KCNN4: variants seen among roughly 807,000 people sequenced by gnomAD.
KCNN4 encodes potassium calcium-activated channel subfamily N member 4, also known as intermediate conductance calcium-activated potassium channel protein 4.
Under a neutral mutation model 45.2 loss-of-function variants are expected in KCNN4, and 31 were observed. The observed-to-expected ratio is 0.69, with a 90% CI of 0.52 to 0.92. The LOEUF is 0.92. KCNN4 is among the 40% of genes least tolerant of loss of function. The pLI, the probability that KCNN4 is intolerant of heterozygous loss-of-function variation, is 0.00. For missense variants in KCNN4, 463 were observed against 574.0 expected, an observed-to-expected ratio of 0.81 and a Z score of 1.98; for synonymous variants, 231 against 254.6, an observed-to-expected ratio of 0.91 and a Z score of 0.88.
At chr19:43,776,390 C>CTGCAGATGGTTCACCTG (rs1365231553) in intron 2 of KCNN4, 151 bp downstream of exon 2, 1 of 625,916 alleles carries the variant, frequency 1.6e-6, no homozygotes, top group Non-Finnish European at 2.9e-6. Flanking sequence ...CATGGTTCAT[C>CTGCAGATGGTTCACCTG]CCATCTGGGT....
At chr19:43,773,536 G>A (rs1969701206) in intron 3 of KCNN4, among the ~76,000 whole-genome samples, 1 of 152,182 alleles carries the variant, frequency 6.6e-6, no homozygotes, top group Non-Finnish European at 1.5e-5. Flanking sequence ...AGTAGGTCTG[G>A]AAGGGACCTG....
chr19:43,774,707 A>G lies in KCNN4; in HGVS notation c.256-88T>C. 8.3e-7 allele frequency: 1 copy of G among 1,203,332 alleles called. No individual in the cohort carries two copies. The highest frequency in any genetic ancestry group is 1.1e-6 in the Non-Finnish European group (1 of 904,604). 74.5% of individuals were successfully genotyped at this position (1,203,332 alleles called of 1,614,324 possible). A position where few individuals can be genotyped will look rare whatever the true frequency, so the allele number is the denominator to read the frequency against. On this transcript the variant is annotated intron_variant, in intron 2 of 8. Transcript: ENST00000648319. The surrounding 1 kb of genome is among the most constrained non-coding windows in gnomAD (Gnocchi z 5.6). ...CCCGCGCCTGCCTGCGCCCTGAGAT[A>G]AGTGGGGTGTGCCGCCTGGCCAGGA...
At position 43,780,931 on chromosome 19, in the gene KCNN4, A is replaced by G. The variant is rs199972422; in HGVS notation, c.-70T>C. The G allele has an allele frequency of 4.6e-6, 7 of 1,516,090 alleles. No homozygotes were observed. Among genetic ancestry groups the G allele is most frequent in the Non-Finnish European group, 6.3e-6 (7 of 1,102,864 alleles). 93.9% of individuals were successfully genotyped at this position (1,516,090 alleles called of 1,614,324 possible). Reference sequence around the variant, plus strand: ...CCCCACCTCGCAGCACGCACAGGGCAGCCACTGTGGCTTGCAGGTCGTCAG... The same window carrying G: ...CCCCACCTCGCAGCACGCACAGGGCGGCCACTGTGGCTTGCAGGTCGTCAG... On this transcript the variant is annotated 5_prime_UTR_variant, in exon 1 of 9. Transcript: ENST00000648319.
chr19:43,777,785 C>T (rs1305760309), intron 1 of KCNN4, among the ~76,000 whole-genome samples: 1 of 152,070 alleles, frequency 6.6e-6, no homozygotes, highest in Non-Finnish European at 1.5e-5. Context: ...GGGTTGGTCC[C>T]TGCCTGGCGG....
In KCNN4 at chr19:43,780,703, C is replaced by G; in HGVS notation, c.159G>C (p.Ser53=). The change falls in exon 1 of 9, where the codon TCG becomes TCC. Residue 53 remains serine (S), a splice_region_variant and synonymous_variant. Transcript: ENST00000648319. ...HAEMLWFGGC[S]WALYLFLVKC... is the part of the protein sequence containing the mutation. ...CTCCCAGCCACCATGCCCCACTCAC[C>G]GAGCACCCCCCGAACCACAGCATCT... 6.2e-7 allele frequency: 1 copy of G among 1,612,810 alleles called. No individual in the cohort carries two copies. The highest frequency in any genetic ancestry group is 8.5e-7 in the Non-Finnish European group (1 of 1,179,466).
chr19:43,771,858 G>A lies in KCNN4; in HGVS notation c.819+142C>T, dbSNP rs1599674883. 2.0e-5 allele frequency: 18 copies of A among 894,326 alleles called. No individual in the cohort carries two copies. The East Asian group carries it at 5.1e-4, about 25-fold the overall frequency. 55.4% of individuals were successfully genotyped at this position (894,326 alleles called of 1,614,324 possible). A position where few individuals can be genotyped will look rare whatever the true frequency, so the allele number is the denominator to read the frequency against. ...GTATCTTGTTCTTGAAGAGAGAATG[G>A]GGCTCTGGGGGCCCCAGACACTCAA... On this transcript the variant is annotated intron_variant, in intron 4 of 8. Coordinates refer to ENST00000648319, the MANE Select transcript of KCNN4 (RefSeq NM_002250.3).
intron 3 of KCNN4, among the ~76,000 whole-genome samples, chr19:43,773,688 T>C (rs968533773): frequency 1.3e-5 from 2 of 152,192 alleles, no homozygotes; most frequent in African/African-American, 4.8e-5. Flanking sequence ...ACACAGTATC[T>C]AGCTGGCAAC....
chr19:43,776,729 T>G, intron 1 of KCNN4, 93 bp from the exon 2 acceptor site: 1 of 779,734 alleles, frequency 1.3e-6, no homozygotes, highest in Non-Finnish European at 2.2e-6. Flanking sequence ...TTTTTTTTTT[T>G]GATTCCCAAT....
At position 43,774,717 on chromosome 19, in the gene KCNN4, T is replaced by A. The variant is rs2146456463; in HGVS notation, c.256-98A>T. ...CCTGCGCCCTGAGATAAGTGGGGTGTGCCGCCTGGCCAGGAGGGAGGGAGT... is the reference window on the plus strand; with the variant it reads ...CCTGCGCCCTGAGATAAGTGGGGTGAGCCGCCTGGCCAGGAGGGAGGGAGT... On this transcript the variant is annotated intron_variant, in intron 2 of 8. Coordinates refer to ENST00000648319, the MANE Select transcript of KCNN4 (RefSeq NM_002250.3). The surrounding 1 kb of genome is among the most constrained non-coding windows in gnomAD (Gnocchi z 5.6). 9.4e-7 allele frequency: 1 copy of A among 1,063,796 alleles called. No individual in the cohort carries two copies. Among genetic ancestry groups the A allele is most frequent in the East Asian group, 2.9e-5 (1 of 34,612 alleles). The allele number at this position is 1,063,796 out of a possible 1,614,324, so 65.9% of individuals were successfully genotyped here. A position where few individuals can be genotyped will look rare whatever the true frequency, so the allele number is the denominator to read the frequency against.
rs753754176 is a variant in KCNN4, at chr19:43,774,186, C to T, written c.683+6G>A. On this transcript the variant is annotated splice_donor_region_variant and intron_variant, in intron 3 of 8. Coordinates refer to ENST00000648319, the MANE Select transcript of KCNN4 (RefSeq NM_002250.3). This position sits in a 1 kb window ranked among gnomAD's most constrained non-coding sequence, Gnocchi z 5.6. ...CCCTGCGCATTTATGCCTCCATCAC[C>T]CTCACCTCTCGGCCACGGACAGCAC... 1.2e-6 allele frequency: 2 copies of T among 1,607,498 alleles called. No homozygotes were observed. The highest frequency in any genetic ancestry group is 8.5e-7 in the Non-Finnish European group (1 of 1,175,686).
rs752802935 is a variant in KCNN4 at position 43,774,751 on chromosome 19, G to C, written c.256-132C>G. The C allele has an allele frequency of 1.4e-5, 10 of 695,560 alleles. No homozygotes were observed. The highest frequency in any genetic ancestry group is 2.0e-5 in the Non-Finnish European group (9 of 449,566). The allele number at this position is 695,560 out of a possible 1,614,324, so 43.1% of individuals were successfully genotyped here. A position where few individuals can be genotyped will look rare whatever the true frequency, so the allele number is the denominator to read the frequency against. ...GCCAGGAGGGAGGGAGTGCAGGGCG[G>C]GAGAGGGATAGGGAGGGAGCGGGAC... On this transcript the variant is annotated intron_variant, in intron 2 of 8. Coordinates refer to ENST00000648319, the MANE Select transcript of KCNN4 (RefSeq NM_002250.3). This position sits in a 1 kb window ranked among gnomAD's most constrained non-coding sequence, Gnocchi z 5.6.
rs1194866259 is a variant in KCNN4, at chr19:43,780,757, AGTTC to A, written c.101_104del (p.Gly34ValfsTer54). ...CATGCAGCACCATGAGTCCAATGCC[AGTTC>A]CTGCCAGCACCAGTGCCCAGCCGGC... On this transcript the variant is annotated frameshift_variant, in exon 1 of 9. Transcript: ENST00000648319. LOFTEE classifies it high-confidence loss of function. 1 of 1,613,330 alleles carries A rather than the reference AGTTC, an allele frequency of 6.2e-7. No homozygotes were observed. Among genetic ancestry groups the A allele is most frequent in the African/African-American group, 1.3e-5 (1 of 74,604 alleles).
Position 43,774,219 on chromosome 19 carries a change from G to T in KCNN4, c.656C>A (p.Thr219Asn). 6.2e-7 allele frequency: 1 copy of T among 1,612,674 alleles called. No homozygotes were observed. Among genetic ancestry groups the T allele is most frequent in the African/African-American group, 1.3e-5 (1 of 75,040 alleles). Residue 219 changes from threonine (T) to asparagine (N), a missense_variant, in exon 3 of 9, where the codon ACC becomes AAC. Thr to Asn is a moderately conservative substitution (Grantham distance 65). Coordinates refer to ENST00000648319, the MANE Select transcript of KCNN4 (RefSeq NM_002250.3). The surrounding 1 kb of genome is among the most constrained non-coding windows in gnomAD (Gnocchi z 5.6). ...LGLTLGLWLT[T>N]AWVLSVAERQ... is the part of the protein sequence containing the mutation. The stretch of plus-strand genomic sequence containing the variant: ...CTCGGCCACGGACAGCACCCAGGCG[G>T]TGGTCAGCCAGAGGCCAAGCGTGAG...
intron 1 of KCNN4, among the ~76,000 whole-genome samples, chr19:43,779,299 G>A (rs902019908): frequency 1.3e-5 from 2 of 152,166 alleles, no homozygotes; most frequent in South Asian, 2.1e-4. Context: ...GTGCTTCGGC[G>A]TGGGAGCGGC....
Position 43,772,264 on chromosome 19 carries a change from A to G in KCNN4, c.684-129T>C, listed in dbSNP as rs900561858. ...TCCCTTCCCCTCCCAGTATACACCC[A>G]TAGTCCTAAGAATCACCTGGACAAA... On this transcript the variant is annotated intron_variant, in intron 3 of 8. Transcript: ENST00000648319. This position sits in a 1 kb window ranked among gnomAD's most constrained non-coding sequence, Gnocchi z 4.4. 9.1e-6 allele frequency: 9 copies of G among 987,956 alleles called. No individual in the cohort carries two copies. The highest frequency in any genetic ancestry group is 1.0e-5 in the Non-Finnish European group (7 of 689,788). 61.2% of individuals were successfully genotyped at this position (987,956 alleles called of 1,614,324 possible). A position where few individuals can be genotyped will look rare whatever the true frequency, so the allele number is the denominator to read the frequency against.
chr19:43,775,450 A>G (rs1969774060), intron 2 of KCNN4, among the ~76,000 whole-genome samples: 3 of 152,206 alleles, frequency 2.0e-5, no homozygotes, highest in South Asian at 2.1e-4. Flanking sequence ...AGTGAGATTG[A>G]TATTATTATT....
chr19:43,780,499 GT>G (rs1969949392), intron 1 of KCNN4, among the ~76,000 whole-genome samples: 1 of 104,316 alleles, frequency 9.6e-6, no homozygotes, highest in African/African-American at 3.9e-5. Context: ...CAGGCCCTCA[GT>G]CCCTCCTCCC....
chr19:43,773,843 A>G (rs977561576), intron 3 of KCNN4, among the ~76,000 whole-genome samples: 2 of 152,204 alleles, frequency 1.3e-5, no homozygotes, highest in African/African-American at 4.8e-5. Flanking sequence ...AGGCAGAGGC[A>G]ACCCTTTAGG....
chr19:43,772,223 C>G lies in KCNN4; in HGVS notation c.684-88G>C. On this transcript the variant is annotated intron_variant, in intron 3 of 8. Transcript: ENST00000648319. The surrounding 1 kb of genome is among the most constrained non-coding windows in gnomAD (Gnocchi z 4.4). ...CCTTCCCTCTATACCCTCCCATCCC[C>G]TTCCCTCTGGTTCCCTCCCTTCCCC... The G allele has an allele frequency of 1.4e-6, 2 of 1,439,284 alleles. No homozygotes were observed. The highest frequency in any genetic ancestry group is 9.4e-7 in the Non-Finnish European group (1 of 1,063,526). The allele number at this position is 1,439,284 out of a possible 1,614,324, so 89.2% of individuals were successfully genotyped here.
Sources: allele counts gnomAD v4.1 joint callset (sites outside exome capture counted in the v4.1 genomes callset), GRCh38; gene constraint gnomAD v4.1.1; non-coding constraint Gnocchi (gnomAD v3.1); transcripts MANE v1.5; gene names NCBI Gene and HGNC (gene_info 2026-07-23, HGNC 2026-07-21).